The following MTX2 variants were observed in gnomAD, a reference collection of about 807,000 sequenced individuals.
MTX2 encodes the protein metaxin-2.
A neutral mutation model predicts 42.3 loss-of-function variants in MTX2; 35 were observed. The ratio of observed to expected loss-of-function variants is 0.83; its 90% CI spans 0.63 to 1.10. MTX2 has a LOEUF of 1.10. Among genes scored for constraint, MTX2 ranks in the 50% least tolerant of loss-of-function variants. The probability of loss-of-function intolerance (pLI) is 0.00; values close to 1 mark genes in which losing one functional copy is unlikely to be tolerated. For missense variants in MTX2, 307 were observed against 304.1 expected (o/e 1.01, Z -0.07); for synonymous variants, 119 against 100.9 (o/e 1.18, Z -1.08).
intron 1 of MTX2, among the ~76,000 whole-genome samples, chr2:176,280,293 G>A (rs933884863): frequency 7.9e-5 from 12 of 152,104 alleles, no homozygotes; most frequent in African/African-American, 2.9e-4. Context: ...GTCTGAAGCA[G>A]TAAAGGGAAT....
At position 176,328,888 on chromosome 2, in the gene MTX2, G is replaced by C; in HGVS notation, c.393G>C (p.Trp131Cys). Residue 131 changes from tryptophan (W) to cysteine (C), a missense_variant, in exon 7 of 10, where the codon TGG becomes TGC. By Grantham distance (215) the Trp-to-Cys change is radical. Coordinates refer to ENST00000249442, the MANE Select transcript of MTX2 (RefSeq NM_006554.5). Reference sequence around the variant, plus strand: ...TTTGTTCCTAGCTGTATCTTCAGTGGTGTGATGAAGCTACAGTAGGGGAGG... The same window carrying C: ...TTTGTTCCTAGCTGTATCTTCAGTGCTGTGATGAAGCTACAGTAGGGGAGG... ...MLLTAELYLQ[W>C]CDEATVGEIT... is the part of the protein sequence containing the mutation. 1 of 1,607,290 alleles carries C rather than the reference G, an allele frequency of 6.2e-7. No homozygotes were observed. The highest frequency in any genetic ancestry group is 8.5e-7 in the Non-Finnish European group (1 of 1,175,456).
chr2:176,311,705 G>A (rs893036803), intron 3 of MTX2, among the ~76,000 whole-genome samples: 1 of 152,246 alleles, frequency 6.6e-6, no homozygotes, highest in Admixed American at 6.5e-5. Context: ...GGGAGCCACT[G>A]AGCCAGGCAC....
intron 3 of MTX2, among the ~76,000 whole-genome samples, chr2:176,322,685 TA>T (rs1474137116): frequency 6.6e-6 from 1 of 152,064 alleles, no homozygotes; most frequent in African/African-American, 2.4e-5. Context: ...TGCATTTTTT[TA>T]CTTAATATTA....
In MTX2 at chr2:176,292,828, T is replaced by C. The variant is rs115060847; in HGVS notation, c.41-4032T>C. On this transcript the variant is annotated intron_variant, in intron 1 of 9. Coordinates refer to ENST00000249442, the MANE Select transcript of MTX2 (RefSeq NM_006554.5). ...ATTTGCTGATGTCAGCTTGTTTTTG[T>C]TTCCTTTTATTTAAAAAACTGTTAT... Among the ~76,000 whole-genome samples, 1,013 of 152,336 alleles carry C rather than the reference T, an allele frequency of 6.6e-3. 4 individuals are homozygous for C. The highest frequency in any genetic ancestry group is 0.011 in the Non-Finnish European group (746 of 68,014).
intron 3 of MTX2, among the ~76,000 whole-genome samples, chr2:176,300,478 A>G (rs1159539849): frequency 6.6e-6 from 1 of 152,116 alleles, no homozygotes; most frequent in Non-Finnish European, 1.5e-5. Flanking sequence ...TCTGATGTGT[A>G]TTTTACACTT....
In MTX2 at chr2:176,299,402, A is replaced by T. The variant is rs146695070; in HGVS notation, c.135+1507A>T. 4.0e-5 allele frequency among the ~76,000 whole-genome samples: 6 copies of T among 149,108 alleles called. 1 individual carries two copies. Among genetic ancestry groups the T allele is most frequent in the Admixed American group, 4.0e-4 (6 of 15,108 alleles). On this transcript the variant is annotated intron_variant, in intron 3 of 9. Transcript: ENST00000249442. ...TTTTAAATAACCCGGAGAAGGGGGGAAAAAATAAATCTTAGTGTGTATTTT... is the reference window on the plus strand; with the variant it reads ...TTTTAAATAACCCGGAGAAGGGGGGTAAAAATAAATCTTAGTGTGTATTTT...
intron 3 of MTX2, among the ~76,000 whole-genome samples, chr2:176,320,863 T>C (rs768454723): frequency 2.6e-5 from 4 of 151,962 alleles, no homozygotes; most frequent in Non-Finnish European, 4.4e-5. Flanking sequence ...CCCAGCTAAT[T>C]CTTTAAACTC....
chr2:176,330,387 AAAGT>A (rs1558945427), intron 8 of MTX2, among the ~76,000 whole-genome samples, 193 bp from the exon 9 acceptor site: 1 of 149,610 alleles, frequency 6.7e-6, no homozygotes. Flanking sequence ...TCTTATATAG[AAAGT>A]ATTTCTTATA....
At chr2:176,291,012 C>T (rs1441119556) in intron 1 of MTX2, among the ~76,000 whole-genome samples, 3 of 151,998 alleles carry the variant, frequency 2.0e-5, no homozygotes, top group Admixed American at 6.6e-5. Flanking sequence ...TGACTCTAAC[C>T]CAAGAATCAC....
In MTX2 at chr2:176,323,473, G is replaced by T; in HGVS notation, c.208+9G>T. On this transcript the variant is annotated intron_variant, in intron 4 of 9. Transcript: ENST00000249442. ...ATATATGTCTCCATCTGGTAAGTGT[G>T]TTTTTTTTTCTTCTCTGTTAATATT... is the stretch of plus-strand genomic sequence containing the variant. The T allele has an allele frequency of 1.9e-6, 3 of 1,583,472 alleles. No homozygotes were observed. The highest frequency in any genetic ancestry group is 2.3e-5 in the South Asian group (2 of 88,662).
At position 176,328,500 on chromosome 2, in the gene MTX2, A is replaced by G. The variant is rs1684775493; in HGVS notation, c.378+115A>G. 1.5e-5 allele frequency: 10 copies of G among 658,004 alleles called. No homozygotes were observed. In the East Asian group the frequency reaches 2.9e-4, roughly 19 times the overall value. The allele number at this position is 658,004 out of a possible 1,614,324, so 40.8% of individuals were successfully genotyped here. A position where few individuals can be genotyped will look rare whatever the true frequency, so the allele number is the denominator to read the frequency against. ...AATGGGAAAATAGTCAAGTAATTCTAGAGTTGAGTTGGCTACCTAAATTAT... is the reference window on the plus strand; with the variant it reads ...AATGGGAAAATAGTCAAGTAATTCTGGAGTTGAGTTGGCTACCTAAATTAT... On this transcript the variant is annotated intron_variant, in intron 6 of 9. Coordinates refer to ENST00000249442, the MANE Select transcript of MTX2 (RefSeq NM_006554.5).
intron 3 of MTX2, among the ~76,000 whole-genome samples, chr2:176,314,562 A>G (rs924537626): frequency 6.6e-6 from 1 of 151,998 alleles, no homozygotes; most frequent in African/African-American, 2.4e-5. Flanking sequence ...TATATTTGGG[A>G]TTGAAGACTT....
chr2:176,314,684 G>A lies in MTX2; in HGVS notation c.136-8708G>A, dbSNP rs781277999. On this transcript the variant is annotated intron_variant, in intron 3 of 9. Coordinates refer to ENST00000249442, the MANE Select transcript of MTX2 (RefSeq NM_006554.5). Reference sequence around the variant, plus strand: ...TAAGACCTGCTTGTTTACTTTTGACGTCCTGAAGATTGGGCCATAATTGCT... The same window carrying A: ...TAAGACCTGCTTGTTTACTTTTGACATCCTGAAGATTGGGCCATAATTGCT... Among the ~76,000 whole-genome samples, 4 of 151,962 alleles carry A rather than the reference G, an allele frequency of 2.6e-5. No individual in the cohort carries two copies. The East Asian group carries it at 5.8e-4, about 22-fold the overall frequency.
intron 2 of MTX2, among the ~76,000 whole-genome samples, chr2:176,297,147 A>C (rs1319877224): frequency 1.3e-5 from 2 of 152,120 alleles, no homozygotes; most frequent in Admixed American, 1.3e-4. Flanking sequence ...GGCGGTGTAA[A>C]ATGATGTGGT....
chr2:176,292,575 A>G (rs1485866498), intron 1 of MTX2, among the ~76,000 whole-genome samples: 2 of 152,134 alleles, frequency 1.3e-5, no homozygotes, highest in Non-Finnish European at 2.9e-5. Flanking sequence ...TCTTTCTGTT[A>G]GATGTGGATA....
chr2:176,297,946 T>C, intron 3 of MTX2, 51 bp downstream of exon 3: 1 of 1,362,944 alleles, frequency 7.3e-7, no homozygotes, highest in Non-Finnish European at 1.0e-6. Context: ...GTGGTTTGCA[T>C]CATTTTGACT....
intron 1 of MTX2, among the ~76,000 whole-genome samples, chr2:176,282,774 G>C (rs1275231448): frequency 1.3e-5 from 2 of 150,826 alleles, no homozygotes; most frequent in Non-Finnish European, 2.9e-5. Flanking sequence ...CACGATCTCA[G>C]CTCACTGCAA....
At chr2:176,270,159 T>C in intron 1 of MTX2, 1 of 333,886 alleles carries the variant, frequency 3.0e-6, no homozygotes, top group Non-Finnish European at 5.8e-6. Flanking sequence ...TTGCTAAGAC[T>C]CTAGGAGTTA....
At chr2:176,311,893 C>T (rs1231716537) in intron 3 of MTX2, among the ~76,000 whole-genome samples, 1 of 152,172 alleles carries the variant, frequency 6.6e-6, no homozygotes, top group African/African-American at 2.4e-5. Flanking sequence ...TTTCCTAGCC[C>T]TCCATGGGCT....
Sources: gnomAD v4.1 joint callset for allele counts (sites outside exome capture counted in the v4.1 genomes callset) on GRCh38, gnomAD v4.1.1 for gene constraint, MANE v1.5 for transcripts, NCBI Gene and HGNC (gene_info 2026-07-23, HGNC 2026-07-21) for gene names.